ADAMTS2: variants seen among roughly 807,000 people sequenced by gnomAD.
ADAMTS2 encodes A disintegrin and metalloproteinase with thrombospondin motifs 2.
A neutral mutation model predicts 123.0 loss-of-function variants in ADAMTS2; 50 were observed. The observed-to-expected ratio is 0.41, with a 90% CI of 0.32 to 0.51. The LOEUF is 0.51. Among genes scored for constraint, ADAMTS2 ranks in the 20% least tolerant of loss-of-function variants. ADAMTS2 has a pLI of 0.35. For missense variants in ADAMTS2, 1,494 were observed against 1,705.2 expected (o/e 0.88, Z 2.18); for synonymous variants, 678 against 695.4 (o/e 0.98, Z 0.39).
chr5:179,303,026 G>A lies in ADAMTS2; in HGVS notation c.535-29962C>T, dbSNP rs1756575193. On this transcript the variant is annotated intron_variant, in intron 2 of 21. Transcript: ENST00000251582. The surrounding 1 kb of genome is among the most constrained non-coding windows in gnomAD (Gnocchi z 4.7). The stretch of plus-strand genomic sequence containing the variant: ...GTGGGGTACAGGAGGTCAGAGTGGT[G>A]GGCGGGGGCAGACTGCACAGAGCTT... Among the ~76,000 whole-genome samples the A allele has an allele frequency of 6.6e-6, 1 of 151,438 alleles. No individual in the cohort carries two copies. Among genetic ancestry groups the A allele is most frequent in the Admixed American group, 6.6e-5 (1 of 15,220 alleles).
chr5:179,129,844 G>A lies in ADAMTS2; in HGVS notation c.2457+88C>T, dbSNP rs1056011670. 1.3e-6 allele frequency: 2 copies of A among 1,558,852 alleles called. No individual in the cohort carries two copies. The highest frequency in any genetic ancestry group is 1.8e-6 in the Non-Finnish European group (2 of 1,142,570). On this transcript the variant is annotated intron_variant, in intron 16 of 21. Coordinates refer to ENST00000251582, the MANE Select transcript of ADAMTS2 (RefSeq NM_014244.5). This position sits in a 1 kb window ranked among gnomAD's most constrained non-coding sequence, Gnocchi z 4.1. ...GGCCACGCAGAGTGTCACCTGAAGG[G>A]TCAGGAGGCTCAGCGTCCCAGGCAC...
At chr5:179,336,472 G>A (rs567492770) in intron 2 of ADAMTS2, among the ~76,000 whole-genome samples, 1 of 152,298 alleles carries the variant, frequency 6.6e-6, no homozygotes, top group African/African-American at 2.4e-5. Flanking sequence ...CCATTAGGCT[G>A]CAGACAGCAT....
At chr5:179,136,196 C>T (rs996303694) in intron 12 of ADAMTS2, among the ~76,000 whole-genome samples, 154 bp from the exon 13 acceptor site, 2 of 152,158 alleles carry the variant, frequency 1.3e-5, no homozygotes, top group African/African-American at 4.8e-5. Context: ...GTGACAGCAG[C>T]CCCCTTCCTG....
Position 179,237,624 on chromosome 5 carries a change from C to T in ADAMTS2, c.689-29909G>A, listed in dbSNP as rs1022222469. On this transcript the variant is annotated intron_variant, in intron 3 of 21. Coordinates refer to ENST00000251582, the MANE Select transcript of ADAMTS2 (RefSeq NM_014244.5). ...CTCTGGGAGGCTGGGGGAGATGAGG[C>T]GATGTGTGATTCTCAAGGTCAGCAT... is the stretch of plus-strand genomic sequence containing the variant. 5.3e-5 allele frequency among the ~76,000 whole-genome samples: 8 copies of T among 151,974 alleles called. No individual in the cohort carries two copies. In the South Asian group the frequency reaches 8.3e-4, roughly 16 times the overall value.
rs546681307 is a variant in ADAMTS2 at position 179,153,592 on chromosome 5, C to T, written c.1414G>A (p.Ala472Thr). Residue 472 changes from alanine (A) to threonine (T), a missense_variant, in exon 9 of 22, where the codon GCC (alanine) becomes ACC (threonine). Coordinates refer to ENST00000251582, the MANE Select transcript of ADAMTS2 (RefSeq NM_014244.5). Reference sequence around the variant, plus strand: ...TGGGGCAGCGCCGGCCAGTCGTGGGCGAAGGGGTCATCCAGCAGGCAGTCA... The same window carrying T: ...TGGGGCAGCGCCGGCCAGTCGTGGGTGAAGGGGTCATCCAGCAGGCAGTCA... Reference protein sequence around the residue: ...SYDCLLDDPFAHDWPALPQLP... With the variant: ...SYDCLLDDPFTHDWPALPQLP... The T allele has an allele frequency of 6.4e-5, 103 of 1,606,884 alleles. No individual in the cohort carries two copies. The Admixed American group carries it at 1.6e-3, about 24-fold the overall frequency.
At chr5:179,237,327 C>A (rs758231955) in intron 3 of ADAMTS2, among the ~76,000 whole-genome samples, 4 of 152,154 alleles carry the variant, frequency 2.6e-5, no homozygotes, top group African/African-American at 4.8e-5. Context: ...CTCTCTTGCC[C>A]CTTGCAATGC....
rs1322855279 is a variant in ADAMTS2, at chr5:179,115,395, T to C, written c.3179-1071A>G. 6.6e-6 allele frequency among the ~76,000 whole-genome samples: 1 copy of C among 152,154 alleles called. No individual in the cohort carries two copies. On this transcript the variant is annotated intron_variant, in intron 21 of 21. Transcript: ENST00000251582. This position sits in a 1 kb window ranked among gnomAD's most constrained non-coding sequence, Gnocchi z 4.4. ...AAAAAATTCACTCAAGAAGAAAGAA[T>C]AAGTCATGTTACAGGAGATACTTGA...
intron 3 of ADAMTS2, among the ~76,000 whole-genome samples, chr5:179,239,336 G>A (rs1236069913): frequency 3.3e-5 from 5 of 152,254 alleles, no homozygotes; most frequent in South Asian, 2.1e-4. Flanking sequence ...GAAGAGAGGG[G>A]TCAACCCTAA....
In ADAMTS2 at chr5:179,112,413, C is replaced by T. The variant is rs752053037; in HGVS notation, c.*1454G>A. 1.3e-5 allele frequency: 2 copies of T among 152,078 alleles called. No individual in the cohort carries two copies. The highest frequency in any genetic ancestry group is 2.4e-5 in the African/African-American group (1 of 41,378). The allele number at this position is 152,078 out of a possible 1,614,324, so 9.4% of individuals were successfully genotyped here. On this transcript the variant is annotated 3_prime_UTR_variant, in exon 22 of 22. Transcript: ENST00000251582. ...AGAGGTAAAAATGAGCCACTCTTCTCCCATCCGCCCCTACTCCCCCTTCCT... is the reference window on the plus strand; with the variant it reads ...AGAGGTAAAAATGAGCCACTCTTCTTCCATCCGCCCCTACTCCCCCTTCCT...
At position 179,262,136 on chromosome 5, in the gene ADAMTS2, G is replaced by A. The variant is rs1207974052; in HGVS notation, c.688+10775C>T. Among the ~76,000 whole-genome samples, 1 of 152,062 alleles carries A rather than the reference G, an allele frequency of 6.6e-6. No individual in the cohort carries two copies. The highest frequency in any genetic ancestry group is 2.4e-5 in the African/African-American group (1 of 41,384). Reference sequence around the variant, plus strand: ...AAGCGGGCAGCTGTGGAGTCAGAGTGATGGGTGCCAATTCTGACTCCTGCA... The same window carrying A: ...AAGCGGGCAGCTGTGGAGTCAGAGTAATGGGTGCCAATTCTGACTCCTGCA... On this transcript the variant is annotated intron_variant, in intron 3 of 21. Transcript: ENST00000251582. The surrounding 1 kb of genome is among the most constrained non-coding windows in gnomAD (Gnocchi z 5.9).
intron 2 of ADAMTS2, among the ~76,000 whole-genome samples, chr5:179,278,098 A>G (rs71596414): frequency 0.66 from 459 of 700 alleles, 225 homozygotes; most frequent in African/African-American, 0.74. Flanking sequence ...AAGGCTGACC[A>G]CCCCCGAGAC....
chr5:179,153,847 A>G lies in ADAMTS2; in HGVS notation c.1382+202T>C, dbSNP rs539560189. ...AGGGTAGCCGCCGTGCCCACTTGCCATTCAAGGACAGACCCCTGACAATGG... is the reference window on the plus strand; with the variant it reads ...AGGGTAGCCGCCGTGCCCACTTGCCGTTCAAGGACAGACCCCTGACAATGG... On this transcript the variant is annotated intron_variant, in intron 8 of 21. Transcript: ENST00000251582. 7.5e-4 allele frequency among the ~76,000 whole-genome samples: 114 copies of G among 152,228 alleles called. 4 individuals are homozygous for G. In the South Asian group the frequency reaches 0.023, roughly 30 times the overall value.
Position 179,240,093 on chromosome 5 carries a change from G to A in ADAMTS2, c.689-32378C>T, listed in dbSNP as rs139894621. ...AAAGCTGGGAGAGTAGGTGACAGAC[G>A]AGGGAAGCCGTCAGGTGTGAATGCG... On this transcript the variant is annotated intron_variant, in intron 3 of 21. Coordinates refer to ENST00000251582, the MANE Select transcript of ADAMTS2 (RefSeq NM_014244.5). Among the ~76,000 whole-genome samples the A allele has an allele frequency of 7.9e-3, 1,209 of 152,302 alleles. 7 individuals are homozygous for A. The highest frequency in any genetic ancestry group is 0.011 in the Non-Finnish European group (731 of 68,020).
intron 2 of ADAMTS2, among the ~76,000 whole-genome samples, chr5:179,300,370 A>ATC (rs1460068868): frequency 1.3e-5 from 2 of 152,198 alleles, no homozygotes; most frequent in African/African-American, 4.8e-5. Context: ...ATTCAATGAT[A>ATC]ATGACCATAT....
At chr5:179,149,419 G>T (rs1017895347) in intron 10 of ADAMTS2, among the ~76,000 whole-genome samples, 1 of 152,230 alleles carries the variant, frequency 6.6e-6, no homozygotes, top group African/African-American at 2.4e-5. Context: ...CGGTATTTCT[G>T]TTAGAGCAGC....
In ADAMTS2 at chr5:179,314,172, C is replaced by CGGCCAG. The variant is rs1238873049; in HGVS notation, c.534+29589_534+29594dup. Among the ~76,000 whole-genome samples the CGGCCAG allele has an allele frequency of 1.5e-4, 23 of 152,384 alleles. No individual in the cohort carries two copies. The highest frequency in any genetic ancestry group is 2.0e-4 in the Admixed American group (3 of 15,314). ...GGGCGCAGCCTGGGAGCACACAGAC[C>CGGCCAG]GGCCAGGGCCAGGGCCAGGACTGGC... is the stretch of plus-strand genomic sequence containing the variant. On this transcript the variant is annotated intron_variant, in intron 2 of 21. Coordinates refer to ENST00000251582, the MANE Select transcript of ADAMTS2 (RefSeq NM_014244.5). The surrounding 1 kb of genome is among the most constrained non-coding windows in gnomAD (Gnocchi z 4.5).
At chr5:179,247,758 G>A (rs548959421) in intron 3 of ADAMTS2, among the ~76,000 whole-genome samples, 17 of 150,660 alleles carry the variant, frequency 1.1e-4, no homozygotes, top group South Asian at 4.3e-4. Context: ...ACTGTCCTGC[G>A]GCTAAAAATT....
intron 2 of ADAMTS2, among the ~76,000 whole-genome samples, chr5:179,316,920 G>A (rs1009979630): frequency 2.0e-5 from 3 of 152,104 alleles, no homozygotes; most frequent in Non-Finnish European, 2.9e-5. Context: ...TAGCCCGGGA[G>A]AGAGCAAGAC....
chr5:179,224,180 G>A (rs537408050), intron 3 of ADAMTS2, among the ~76,000 whole-genome samples: 4 of 152,292 alleles, frequency 2.6e-5, no homozygotes, highest in East Asian at 3.9e-4. Context: ...TGAGGTCAGC[G>A]GGGCAGGTGG....
Sources: gnomAD v4.1 joint callset for allele counts (sites outside exome capture counted in the v4.1 genomes callset) on GRCh38, gnomAD v4.1.1 for gene constraint, Gnocchi (gnomAD v3.1) non-coding constraint, MANE v1.5 for transcripts, NCBI Gene and HGNC (gene_info 2026-07-23, HGNC 2026-07-21) for gene names.